The following PTBP2 variants were observed in gnomAD, a reference collection of about 807,000 sequenced individuals.
PTBP2 encodes polypyrimidine tract binding protein 2.
Under a neutral mutation model 61.4 loss-of-function variants are expected in PTBP2, and 13 were observed. The observed-to-expected ratio is 0.21, with a 90% CI of 0.14 to 0.34. The LOEUF (loss-of-function observed/expected upper bound fraction) is 0.34, where lower values mean the gene tolerates loss of function less well. Among genes scored for constraint, PTBP2 ranks in the 10% least tolerant of loss-of-function variants. The pLI is 1.00. For missense variants in PTBP2, 405 were observed against 642.6 expected, an observed-to-expected ratio of 0.63 and a Z score of 4.00; for synonymous variants, 215 against 218.5, an observed-to-expected ratio of 0.98 and a Z score of 0.14.
intron 8 of PTBP2, among the ~76,000 whole-genome samples, chr1:96,789,633 CTT>C (rs985292334): frequency 6.6e-6 from 1 of 151,890 alleles, no homozygotes; most frequent in Non-Finnish European, 1.5e-5. Flanking sequence ...AACTGGAAAA[CTT>C]TGATTTTCTT....
At chr1:96,771,016 G>C (rs1442473578) in intron 5 of PTBP2, 165 bp downstream of exon 5, 1 of 549,506 alleles carries the variant, frequency 1.8e-6, no homozygotes. Flanking sequence ...TAAATACTAT[G>C]TCATTTTGAA....
chr1:96,723,712 G>A (rs1649968744), intron 2 of PTBP2, 118 bp downstream of exon 2: 1 of 861,188 alleles, frequency 1.2e-6, no homozygotes, highest in East Asian at 2.5e-5. Context: ...AGTGTAAAAT[G>A]TTTCCTTTCA....
chr1:96,740,799 A>T (rs545949549), intron 2 of PTBP2, among the ~76,000 whole-genome samples: 10 of 151,844 alleles, frequency 6.6e-5, no homozygotes, highest in South Asian at 4.1e-4. Context: ...ATATATATAT[A>T]TTTTCATTGC....
chr1:96,738,316 T>TG (rs1652513473), intron 2 of PTBP2, among the ~76,000 whole-genome samples: 1 of 152,080 alleles, frequency 6.6e-6, no homozygotes, highest in South Asian at 2.1e-4. Flanking sequence ...TGTTTTGAGA[T>TG]GGAGTCTCGC....
intron 3 of PTBP2, among the ~76,000 whole-genome samples, chr1:96,764,198 A>G (rs1025352501): frequency 6.6e-6 from 1 of 152,230 alleles, no homozygotes; most frequent in East Asian, 1.9e-4. Context: ...AAATAATTTT[A>G]CAGGTGAAAA....
At chr1:96,796,621 T>C (rs1048230182) in intron 8 of PTBP2, among the ~76,000 whole-genome samples, 3 of 152,160 alleles carry the variant, frequency 2.0e-5, no homozygotes, top group Non-Finnish European at 2.9e-5. Flanking sequence ...GGGGTGTGTG[T>C]GTTTTCACTC....
At chr1:96,787,348 A>G (rs1225652352) in intron 8 of PTBP2, among the ~76,000 whole-genome samples, 4 of 152,128 alleles carry the variant, frequency 2.6e-5, no homozygotes, top group African/African-American at 7.2e-5. Context: ...TGAGCGTTGT[A>G]CATTTTTACA....
At chr1:96,806,705 T>C (rs1661523964) in intron 10 of PTBP2, 161 bp from the exon 11 acceptor site, 3 of 678,080 alleles carry the variant, frequency 4.4e-6, no homozygotes, top group Non-Finnish European at 7.5e-6. Context: ...AATTCACTGT[T>C]CAAAATCTTG....
chr1:96,784,457 G>C (rs991435494), intron 7 of PTBP2, among the ~76,000 whole-genome samples: 1 of 152,028 alleles, frequency 6.6e-6, no homozygotes, highest in African/African-American at 2.4e-5. Flanking sequence ...AGAACTTTTC[G>C]GGAATGACAT....
chr1:96,785,741 T>C (rs1405988621), intron 8 of PTBP2, among the ~76,000 whole-genome samples: 1 of 152,162 alleles, frequency 6.6e-6, no homozygotes, highest in African/African-American at 2.4e-5. Flanking sequence ...CATATTGTAG[T>C]GGCCTTTTAA....
At chr1:96,759,941 C>T (rs746729176) in intron 3 of PTBP2, among the ~76,000 whole-genome samples, 1 of 152,150 alleles carries the variant, frequency 6.6e-6, no homozygotes, top group Non-Finnish European at 1.5e-5. Flanking sequence ...TCACATCTTA[C>T]GTAGATGGCA....
intron 3 of PTBP2, among the ~76,000 whole-genome samples, chr1:96,760,773 CATT>C (rs1010436143): frequency 1.8e-4 from 28 of 152,124 alleles, no homozygotes; most frequent in African/African-American, 6.8e-4. Flanking sequence ...CGGAGTTAAA[CATT>C]AACCTATTTT....
intron 2 of PTBP2, among the ~76,000 whole-genome samples, chr1:96,727,558 G>T (rs920192521): frequency 6.6e-6 from 1 of 152,166 alleles, no homozygotes; most frequent in South Asian, 2.1e-4. Context: ...TTTAATGCCT[G>T]TTATCTTCTG....
chr1:96,768,222 C>T (rs1034145623), intron 3 of PTBP2, among the ~76,000 whole-genome samples: 20 of 152,126 alleles, frequency 1.3e-4, no homozygotes, highest in African/African-American at 4.6e-4. Context: ...TATAAGGTAT[C>T]AGGAATCATA....
intron 2 of PTBP2, among the ~76,000 whole-genome samples, chr1:96,750,480 C>G (rs11165714): frequency 0.58 from 87,808 of 151,478 alleles, 26,070 homozygotes; most frequent in African/African-American, 0.71. Flanking sequence ...TCTGTTTACT[C>G]TTCTCATATT....
intron 2 of PTBP2, among the ~76,000 whole-genome samples, chr1:96,725,657 T>G (rs1650335621): frequency 6.6e-6 from 1 of 152,188 alleles, no homozygotes; most frequent in Non-Finnish European, 1.5e-5. Context: ...TTAAAGTTAA[T>G]TTAATTTTCT....
intron 7 of PTBP2, among the ~76,000 whole-genome samples, chr1:96,782,449 A>C (rs1424290443): frequency 3.3e-5 from 5 of 152,030 alleles, no homozygotes; most frequent in Non-Finnish European, 7.4e-5. Flanking sequence ...TTGGGCAAAG[A>C]TTCTCCTTGA....
intron 11 of PTBP2, among the ~76,000 whole-genome samples, chr1:96,810,865 G>A (rs1248530382): frequency 6.6e-6 from 1 of 152,112 alleles, no homozygotes; most frequent in African/African-American, 2.4e-5. Flanking sequence ...GTAGATAATT[G>A]GTTTTACAGG....
At chr1:96,820,295 G>GTTGGACATTTGCCATGTACA (rs943058494) in exon 14 of PTBP2, 27 of 152,036 alleles carry the variant, frequency 1.8e-4, no homozygotes, top group Non-Finnish European at 2.9e-4. Context: ...TGCTATGTAC[G>GTTGGACATTTGCCATGTACA]TTGGACATTT....
Sources: gnomAD v4.1 joint callset for allele counts (sites outside exome capture counted in the v4.1 genomes callset) on GRCh38, gnomAD v4.1.1 for gene constraint, MANE v1.5 for transcripts, NCBI Gene and HGNC (gene_info 2026-07-23, HGNC 2026-07-21) for gene names.